CUX1: variants seen among roughly 807,000 people sequenced by gnomAD.
CUX1 encodes protein CASP.
Under a neutral mutation model 158.8 loss-of-function variants are expected in CUX1, and 31 were observed. That is an observed-to-expected ratio of 0.20 (90% CI 0.15 to 0.26). The LOEUF (loss-of-function observed/expected upper bound fraction) is 0.26, where lower values mean the gene tolerates loss of function less well. Among genes scored for constraint, CUX1 ranks in the 10% least tolerant of loss-of-function variants. CUX1 has a pLI of 1.00. For missense variants in CUX1, 1,589 were observed against 2,014.6 expected (o/e 0.79, Z 4.04); for synonymous variants, 879 against 862.1 (o/e 1.02, Z -0.34).
At chr7:101,855,369 G>A (rs1297087496) in intron 1 of CUX1, among the ~76,000 whole-genome samples, 4 of 152,192 alleles carry the variant, frequency 2.6e-5, no homozygotes, top group Non-Finnish European at 4.4e-5. Context: ...CGTGTCCTCC[G>A]AGTGGTCTCT....
Position 102,097,398 on chromosome 7 carries a change from C to G in CUX1, c.303C>G (p.Leu101=), listed in dbSNP as rs782721883. The change falls in exon 5 of 24, where the codon CTC becomes CTG. Residue 101 remains leucine (L), a synonymous_variant. Transcript: ENST00000292535. ...CAGCTTTGGATCTCGGACAGCAACT[C>G]CAGCTCAAAGTGCAGCGCCTGCACG... ...PVPALDLGQQ[L]QLKVQRLHDI... The G allele has an allele frequency of 1.2e-6, 2 of 1,612,176 alleles. No individual in the cohort carries two copies. The highest frequency in any genetic ancestry group is 1.3e-5 in the African/African-American group (1 of 74,824).
At chr7:102,151,597 G>T (rs1835669504) in intron 8 of CUX1, among the ~76,000 whole-genome samples, 1 of 151,666 alleles carries the variant, frequency 6.6e-6, no homozygotes, top group Non-Finnish European at 1.5e-5. Flanking sequence ...GTGATTGGGT[G>T]TGCCTGTAAT....
chr7:101,973,635 C>T (rs912317871), intron 2 of CUX1, among the ~76,000 whole-genome samples: 3 of 152,082 alleles, frequency 2.0e-5, no homozygotes, highest in African/African-American at 4.8e-5. Flanking sequence ...CCTTAATAGC[C>T]CCCACCTGGA....
At chr7:102,145,752 G>C (rs1834962108) in intron 8 of CUX1, among the ~76,000 whole-genome samples, 1 of 152,088 alleles carries the variant, frequency 6.6e-6, no homozygotes, top group Non-Finnish European at 1.5e-5. Context: ...TTCAAGACCA[G>C]CCTGACCAAC....
Position 101,836,460 on chromosome 7 carries a change from C to T in CUX1, c.30+18791C>T, listed in dbSNP as rs188000460. The stretch of plus-strand genomic sequence containing the variant: ...TTGGGATGAGAGTTGGTTGCCCCCG[C>T]GGTCCTCCCTTCCCCCAACCCCACC... On this transcript the variant is annotated intron_variant, in intron 1 of 23. Transcript: ENST00000292535. Among the ~76,000 whole-genome samples the T allele has an allele frequency of 1.7e-4, 26 of 152,078 alleles. No homozygotes were observed. In the East Asian group the frequency reaches 4.3e-3, roughly 25 times the overall value.
intron 4 of CUX1, among the ~76,000 whole-genome samples, chr7:102,075,923 T>C (rs959834220): frequency 3.9e-5 from 6 of 152,158 alleles, no homozygotes; most frequent in African/African-American, 1.4e-4. Flanking sequence ...CTGGGATCTG[T>C]GTTTGGTTTA....
downstream of CUX1, among the ~76,000 whole-genome samples, chr7:102,260,293 T>A (rs141775102): frequency 0.026 from 3,837 of 149,586 alleles, 166 homozygotes; most frequent in African/African-American, 0.09. Context: ...TTCACCATGT[T>A]GCCCAGGCTG....
chr7:102,037,141 G>C (rs550380723), intron 3 of CUX1, among the ~76,000 whole-genome samples: 19 of 152,324 alleles, frequency 1.2e-4, no homozygotes, highest in African/African-American at 4.6e-4. Flanking sequence ...TCAGTGAGCT[G>C]TTGATCGCGT....
Position 102,254,766 on chromosome 7 carries a change from C to G in CUX1, c.*5724C>G, listed in dbSNP as rs1475014879. 1.0e-6 allele frequency: 1 copy of G among 985,364 alleles called. No individual in the cohort carries two copies. The highest frequency in any genetic ancestry group is 1.2e-6 in the Non-Finnish European group (1 of 829,988). 61.0% of individuals were successfully genotyped at this position (985,364 alleles called of 1,614,324 possible). ...GTGCCCTGAGTGGCGAGGTGGTGAC[C>G]TGAGGCCAGTGTGATGTGGTTGGAT... is the stretch of plus-strand genomic sequence containing the variant. On this transcript the variant is annotated 3_prime_UTR_variant, in exon 24 of 24. Coordinates refer to ENST00000292535, the MANE Select transcript of CUX1 (RefSeq NM_181552.4).
chr7:102,232,446 A>T (rs186131414), intron 21 of CUX1, among the ~76,000 whole-genome samples: 112 of 152,236 alleles, frequency 7.4e-4, no homozygotes, highest in African/African-American at 2.4e-3. Flanking sequence ...CACATAGAGG[A>T]TGTAAGCCAC....
chr7:102,061,434 G>A (rs575374907), intron 3 of CUX1, among the ~76,000 whole-genome samples: 30 of 152,288 alleles, frequency 2.0e-4, no homozygotes, highest in Admixed American at 3.3e-4. Flanking sequence ...GGGTTTCTGC[G>A]TCTGAGAAAT....
chr7:102,156,065 T>C (rs1789714606), intron 8 of CUX1, among the ~76,000 whole-genome samples: 1 of 152,204 alleles, frequency 6.6e-6, no homozygotes, highest in South Asian at 2.1e-4. Flanking sequence ...TCACAAGGCA[T>C]CTGTTACCCT....
At chr7:102,223,334 G>C (rs1798023072) in intron 20 of CUX1, among the ~76,000 whole-genome samples, 1 of 152,142 alleles carries the variant, frequency 6.6e-6, no homozygotes, top group African/African-American at 2.4e-5. Context: ...TTTTGAGTCT[G>C]TCGCCAGCGT....
intron 7 of CUX1, 119 bp downstream of exon 7, chr7:102,111,893 T>TGCCGGGAGCC (rs1161670083): frequency 2.5e-6 from 2 of 812,164 alleles, no homozygotes; most frequent in Admixed American, 2.3e-5. Context: ...CCGTGGGAGC[T>TGCCGGGAGCC]GCCGGGAGCC....
intron 3 of CUX1, among the ~76,000 whole-genome samples, chr7:102,045,679 C>T (rs1285201501): frequency 6.6e-6 from 1 of 152,270 alleles, no homozygotes; most frequent in African/African-American, 2.4e-5. Flanking sequence ...CGGCCCAGAG[C>T]TCTGCAGCTA....
rs190768105 is a variant in CUX1, at chr7:102,250,957, T to C, written c.*1915T>C. ...ATATCTTTAAACTAACAATAGATGA[T>C]TTCGGTATATATATATATTTTTTTT... On this transcript the variant is annotated 3_prime_UTR_variant, in exon 24 of 24. Transcript: ENST00000292535. 2.2e-3 allele frequency: 2,137 copies of C among 962,846 alleles called. 3 individuals are homozygous for C. The highest frequency in any genetic ancestry group is 2.5e-3 in the Non-Finnish European group (2,042 of 809,510). The allele number at this position is 962,846 out of a possible 1,614,324, so 59.6% of individuals were successfully genotyped here.
At chr7:102,041,714 G>T (rs1822131188) in intron 3 of CUX1, among the ~76,000 whole-genome samples, 1 of 144,082 alleles carries the variant, frequency 6.9e-6, no homozygotes, top group African/African-American at 2.6e-5. Context: ...TGTCACCCAG[G>T]CTGGAGTGCA....
chr7:101,986,616 C>T (rs1205987737), intron 2 of CUX1, among the ~76,000 whole-genome samples: 2 of 152,204 alleles, frequency 1.3e-5, no homozygotes, highest in African/African-American at 4.8e-5. Context: ...GCTCTGAGCC[C>T]TTTTCCCGTG....
intron 2 of CUX1, among the ~76,000 whole-genome samples, chr7:101,991,329 C>T (rs887596612): frequency 3.9e-5 from 6 of 152,318 alleles, no homozygotes; most frequent in Admixed American, 3.3e-4. Context: ...GAAGCCAGGG[C>T]GCGTAGCAGA....
Sources: gnomAD v4.1 joint callset for allele counts (sites outside exome capture counted in the v4.1 genomes callset) on GRCh38, gnomAD v4.1.1 for gene constraint, MANE v1.5 for transcripts, NCBI Gene and HGNC (gene_info 2026-07-23, HGNC 2026-07-21) for gene names.